SCN10A: variants seen among roughly 807,000 people sequenced by gnomAD.
SCN10A encodes the protein sodium voltage-gated channel alpha subunit 10.
A neutral mutation model predicts 170.7 loss-of-function variants in SCN10A; 162 were observed. That is an observed-to-expected ratio of 0.95 (90% CI 0.84 to 1.08). The LOEUF (loss-of-function observed/expected upper bound fraction) is 1.08. SCN10A is among the 50% of genes least tolerant of loss of function. The probability of loss-of-function intolerance (pLI) is 0.00; values close to 1 mark genes in which losing one functional copy is unlikely to be tolerated. For synonymous variants in SCN10A, 985 were observed against 904.6 expected, an observed-to-expected ratio of 1.09 and a Z score of -1.59; for missense variants, 2,527 against 2,436.9, an observed-to-expected ratio of 1.04 and a Z score of -0.78.
At chr3:38,738,747 C>T (rs1379094870) in intron 15 of SCN10A, among the ~76,000 whole-genome samples, 1 of 152,158 alleles carries the variant, frequency 6.6e-6, no homozygotes, top group East Asian at 1.9e-4. Context: ...GGCCTGGAGA[C>T]CTAGTGACCC....
chr3:38,727,334 A>G (rs1312348140), intron 16 of SCN10A, among the ~76,000 whole-genome samples: 1 of 152,230 alleles, frequency 6.6e-6, no homozygotes, highest in Non-Finnish European at 1.5e-5. Context: ...GGGACAACAG[A>G]GAGAAGGCAC....
intron 26 of SCN10A, among the ~76,000 whole-genome samples, chr3:38,704,580 G>A (rs1016946860): frequency 1.3e-5 from 2 of 152,180 alleles, no homozygotes; most frequent in Admixed American, 6.5e-5. Flanking sequence ...ATTCTCTAGA[G>A]CCTATTATAT....
At chr3:38,789,106 T>G in intron 3 of SCN10A, 70 bp from the exon 4 acceptor site, 3 of 858,758 alleles carry the variant, frequency 3.5e-6, no homozygotes, top group Non-Finnish European at 2.0e-6. Context: ...ATCACCTTGA[T>G]GCTGAATGAT....
At chr3:38,722,908 A>G (rs1176325062) in intron 19 of SCN10A, among the ~76,000 whole-genome samples, 2 of 152,232 alleles carry the variant, frequency 1.3e-5, no homozygotes, top group African/African-American at 4.8e-5. Flanking sequence ...TTGAGGCCAC[A>G]ATTCCCTTTA....
intron 5 of SCN10A, among the ~76,000 whole-genome samples, chr3:38,767,017 A>G (rs899010809): frequency 6.6e-6 from 1 of 151,634 alleles, no homozygotes; most frequent in African/African-American, 2.4e-5. Flanking sequence ...TTGTGCAAAT[A>G]AAGGTGTTCA....
chr3:38,723,634 T>G (rs1224832471), intron 18 of SCN10A, 81 bp from the exon 19 acceptor site: 9 of 1,491,954 alleles, frequency 6.0e-6, no homozygotes, highest in Non-Finnish European at 6.3e-6. Context: ...CAGGTTCAAC[T>G]GCACCCATGT....
intron 1 of SCN10A, among the ~76,000 whole-genome samples, chr3:38,802,230 G>T (rs1396181939): frequency 2.0e-5 from 3 of 152,048 alleles, no homozygotes; most frequent in Non-Finnish European, 4.4e-5. Flanking sequence ...AACTAATCTG[G>T]CCAGCTTCCC....
At position 38,746,937 on chromosome 3, in the gene SCN10A, C is replaced by G. The variant is rs139303119; in HGVS notation, c.1867+3136G>C. Among the ~76,000 whole-genome samples, 345 of 152,286 alleles carry G rather than the reference C, an allele frequency of 2.3e-3. 4 individuals are homozygous for G. The highest frequency in any genetic ancestry group is 3.7e-3 in the Non-Finnish European group (254 of 68,024). ...TTGAGTTCAGTGAATTGTCAAACTCCTGTTGGTTTGGGCCAAACTTTCTTA... is the reference window on the plus strand; with the variant it reads ...TTGAGTTCAGTGAATTGTCAAACTCGTGTTGGTTTGGGCCAAACTTTCTTA... On this transcript the variant is annotated intron_variant, in intron 13 of 27. Transcript: ENST00000449082.
In SCN10A at chr3:38,697,378, T is replaced by A. The variant is rs1322565705; in HGVS notation, c.5842A>T (p.Ser1948Cys). 6.2e-7 allele frequency: 1 copy of A among 1,614,056 alleles called. No individual in the cohort carries two copies. The highest frequency in any genetic ancestry group is 2.2e-5 in the East Asian group (1 of 44,896). The change falls in exon 28 of 28, where the codon AGT (serine) becomes TGT (cysteine). Residue 1948 changes from serine to cysteine, a missense_variant. Physicochemically the swap from Ser to Cys is moderately radical, Grantham distance 112. Coordinates refer to ENST00000449082, the MANE Select transcript of SCN10A (RefSeq NM_006514.4). ...GGCCCAGGGGCAATCAGCTCCATAC[T>A]GGTGGCTTCATCTTCATTTTGTATT... ...SSIQNEDEAT[S>C]MELIAPGP
chr3:38,721,022 A>G (rs1489265994), intron 20 of SCN10A, among the ~76,000 whole-genome samples: 1 of 152,102 alleles, frequency 6.6e-6, no homozygotes, highest in Non-Finnish European at 1.5e-5. Context: ...TCCACCCAGG[A>G]TGGCAGACCA....
chr3:38,785,764 A>G (rs921127111), intron 4 of SCN10A, among the ~76,000 whole-genome samples: 2 of 152,184 alleles, frequency 1.3e-5, no homozygotes, highest in East Asian at 1.9e-4. Context: ...AGAATCTACA[A>G]AAAACTTAAA....
At chr3:38,787,153 C>A (rs1468424343) in intron 4 of SCN10A, among the ~76,000 whole-genome samples, 1 of 152,058 alleles carries the variant, frequency 6.6e-6, no homozygotes, top group Non-Finnish European at 1.5e-5. Flanking sequence ...GACTTTGAAT[C>A]TGAGAACATG....
chr3:38,697,194 GTGGTTACCAGT>G lies in SCN10A; in HGVS notation c.*144_*154del. The stretch of plus-strand genomic sequence containing the variant: ...TTTGTGTATGATGGTTTTTTCAAAG[GTGGTTACCAGT>G]TGCATTCCCTGCCCAGTTCTGACAT... On this transcript the variant is annotated 3_prime_UTR_variant, in exon 28 of 28. Coordinates refer to ENST00000449082, the MANE Select transcript of SCN10A (RefSeq NM_006514.4). The G allele has an allele frequency of 8.4e-7, 1 of 1,186,220 alleles. No homozygotes were observed. The highest frequency in any genetic ancestry group is 2.7e-5 in the Admixed American group (1 of 36,734). The allele number at this position is 1,186,220 out of a possible 1,614,324, so 73.5% of individuals were successfully genotyped here.
At chr3:38,704,682 T>G (rs567926424) in intron 26 of SCN10A, among the ~76,000 whole-genome samples, 1 of 152,242 alleles carries the variant, frequency 6.6e-6, no homozygotes, top group Non-Finnish European at 1.5e-5. Context: ...GTGGAATCCT[T>G]AACTTTTCCT....
At chr3:38,715,925 AG>A (rs1420704643) in intron 21 of SCN10A, among the ~76,000 whole-genome samples, 1 of 152,218 alleles carries the variant, frequency 6.6e-6, no homozygotes, top group African/African-American at 2.4e-5. Context: ...AGCAAATGGA[AG>A]AAAAATAGGA....
intron 4 of SCN10A, among the ~76,000 whole-genome samples, chr3:38,785,608 T>G (rs11129808): frequency 6.6e-6 from 1 of 151,946 alleles, no homozygotes; most frequent in African/African-American, 2.4e-5. Flanking sequence ...AAAGCAATGG[T>G]GACAAAAGCC....
chr3:38,713,905 G>A, intron 22 of SCN10A, 53 bp downstream of exon 22: 3 of 1,604,360 alleles, frequency 1.9e-6, no homozygotes, highest in Non-Finnish European at 1.7e-6. Context: ...TGGGATTACA[G>A]GCATGAACCA....
At chr3:38,795,501 G>A (rs911830216) in intron 1 of SCN10A, among the ~76,000 whole-genome samples, 4 of 151,518 alleles carry the variant, frequency 2.6e-5, no homozygotes, top group South Asian at 2.1e-4. Flanking sequence ...CACCACACTC[G>A]GCTAGTTTTG....
intron 5 of SCN10A, among the ~76,000 whole-genome samples, chr3:38,766,861 G>A (rs1416102864): frequency 6.6e-6 from 1 of 152,004 alleles, no homozygotes; most frequent in Non-Finnish European, 1.5e-5. Context: ...TCTGCTCCTG[G>A]ACTTTTTTTC....
Sources: allele counts gnomAD v4.1 joint callset (sites outside exome capture counted in the v4.1 genomes callset), GRCh38; gene constraint gnomAD v4.1.1; transcripts MANE v1.5; gene names NCBI Gene and HGNC (gene_info 2026-07-23, HGNC 2026-07-21).